SIN3A: variants seen among roughly 807,000 people sequenced by gnomAD.
SIN3A encodes SIN3 transcription regulator family member A, also known as paired amphipathic helix protein Sin3a.
SIN3A carries 14 observed loss-of-function variants against 146.1 expected under a neutral mutation model. The ratio of observed to expected loss-of-function variants is 0.10; its 90% CI spans 0.06 to 0.15. SIN3A has a LOEUF of 0.15. Among genes scored for constraint, SIN3A ranks in the 10% least tolerant of loss-of-function variants. The pLI is 1.00. For synonymous variants in SIN3A, 572 were observed against 572.0 expected (o/e 1.00, Z 0.00); for missense variants, 1,028 against 1,576.0 (o/e 0.65, Z 5.89).
At chr15:75,373,405 C>A (rs1285891089) in intron 20 of SIN3A, among the ~76,000 whole-genome samples, 5 of 152,078 alleles carry the variant, frequency 3.3e-5, no homozygotes, top group African/African-American at 1.2e-4. Context: ...TTGAACAGCG[C>A]AGGGCCACTG....
chr15:75,392,248 C>G lies in SIN3A; in HGVS notation c.2845G>C (p.Glu949Gln). The change falls in exon 15 of 21, where the codon GAA (glutamate) becomes CAA (glutamine). Residue 949 changes from glutamate to glutamine, a missense_variant. Glu to Gln is a conservative substitution (Grantham distance 29). Around this residue, in one of 9 missense-constraint regions of SIN3A, gnomAD observed 488 missense variants for 690.2 expected, o/e 0.71. Transcript: ENST00000394947. ...CAGAGGTCTCGGCACTCACTAGGTT[C>G]TTTGAGACGTAGCTGAATGGCAGGG... is the stretch of plus-strand genomic sequence containing the variant. Reference protein sequence around the residue: ...DSPAIQLRLKEPMDVDVEDYY... With the variant: ...DSPAIQLRLKQPMDVDVEDYY... 1.2e-6 allele frequency: 2 copies of G among 1,612,518 alleles called. No individual in the cohort carries two copies. The highest frequency in any genetic ancestry group is 1.7e-6 in the Non-Finnish European group (2 of 1,178,756).
intron 1 of SIN3A, among the ~76,000 whole-genome samples, chr15:75,437,936 T>C (rs1488313491): frequency 6.6e-6 from 1 of 152,034 alleles, no homozygotes; most frequent in Non-Finnish European, 1.5e-5. Context: ...GGAAGGATCA[T>C]TTGAGGCCAG....
At chr15:75,400,411 A>G (rs2073389107) in intron 11 of SIN3A, among the ~76,000 whole-genome samples, 1 of 152,114 alleles carries the variant, frequency 6.6e-6, no homozygotes, top group African/African-American at 2.4e-5. Flanking sequence ...CCCAATCTTT[A>G]CAAAACTAAA....
chr15:75,373,530 G>A (rs1489588024), intron 20 of SIN3A, among the ~76,000 whole-genome samples: 1 of 152,092 alleles, frequency 6.6e-6, no homozygotes, highest in African/African-American at 2.4e-5. Flanking sequence ...TTTATGATGA[G>A]CCACAACCAC....
intron 3 of SIN3A, chr15:75,415,164 A>G (rs895247913): frequency 6.6e-6 from 1 of 152,270 alleles, no homozygotes; most frequent in African/African-American, 2.4e-5. Flanking sequence ...TGCTACAGGA[A>G]TAACTGGACA....
chr15:75,427,246 G>A (rs1441919411), intron 2 of SIN3A, among the ~76,000 whole-genome samples: 1 of 152,080 alleles, frequency 6.6e-6, no homozygotes, highest in Non-Finnish European at 1.5e-5. Context: ...GGTGGCTTGC[G>A]CCTGTAATCC....
intron 2 of SIN3A, among the ~76,000 whole-genome samples, chr15:75,423,347 C>T (rs1567389481): frequency 6.6e-6 from 1 of 152,114 alleles, no homozygotes; most frequent in African/African-American, 2.4e-5. Flanking sequence ...AAATAAATTA[C>T]AGCCCACCAA....
chr15:75,385,268 T>C (rs908517969), intron 16 of SIN3A, among the ~76,000 whole-genome samples: 4 of 152,216 alleles, frequency 2.6e-5, no homozygotes, highest in African/African-American at 7.2e-5. Flanking sequence ...TGCTGAATTA[T>C]TGCCCAGGGG....
chr15:75,423,649 G>T lies in SIN3A; in HGVS notation c.190-826C>A, dbSNP rs2073877367. On this transcript the variant is annotated intron_variant, in intron 2 of 20. Coordinates refer to ENST00000394947, the MANE Select transcript of SIN3A (RefSeq NM_001145358.2). ...GCCAAGATCGTGCCACTGCAATCCA[G>T]CCTGCACGACAAAGCAAGACTCCAT... 2.0e-5 allele frequency among the ~76,000 whole-genome samples: 3 copies of T among 152,144 alleles called. No individual in the cohort carries two copies. The South Asian group carries it at 6.2e-4, about 32-fold the overall frequency.
rs755746193 is a variant in SIN3A at position 75,371,834 on chromosome 15, C to T, written c.*145G>A. ...TAGCCCACTTGGTGCCAGGCTGCACCAGCCACACACAGGTCAGGTGGCCAT... is the reference window on the plus strand; with the variant it reads ...TAGCCCACTTGGTGCCAGGCTGCACTAGCCACACACAGGTCAGGTGGCCAT... On this transcript the variant is annotated 3_prime_UTR_variant, in exon 21 of 21. Coordinates refer to ENST00000394947, the MANE Select transcript of SIN3A (RefSeq NM_001145358.2). 1.8e-5 allele frequency: 12 copies of T among 678,146 alleles called. No individual in the cohort carries two copies. The highest frequency in any genetic ancestry group is 3.9e-4 in the Middle Eastern group (1 of 2,534). The allele number at this position is 678,146 out of a possible 1,614,324, so 42.0% of individuals were successfully genotyped here. A position where few individuals can be genotyped will look rare whatever the true frequency, so the allele number is the denominator to read the frequency against.
chr15:75,444,676 C>T lies in SIN3A; in HGVS notation c.-34+6747G>A, dbSNP rs2074273541. Among the ~76,000 whole-genome samples, 3 of 152,124 alleles carry T rather than the reference C, an allele frequency of 2.0e-5. No homozygotes were observed. In the South Asian group the frequency reaches 6.2e-4, roughly 32 times the overall value. ...TTGAGCCCAGGAGTTTGAGACCAAT[C>T]TGGGCAATACAGACTTCGGTGACAC... On this transcript the variant is annotated intron_variant, in intron 1 of 20. Transcript: ENST00000394947.
In SIN3A at chr15:75,441,225, G is replaced by A. The variant is rs149898175; in HGVS notation, c.-34+10198C>T. ...CTCAGGAAGCTGAGTCAGTAGAATT[G>A]CTTGAACTTGGGAGGTGGAGGTTGA... On this transcript the variant is annotated intron_variant, in intron 1 of 20. Transcript: ENST00000394947. 3.0e-3 allele frequency among the ~76,000 whole-genome samples: 457 copies of A among 152,128 alleles called. 3 individuals are homozygous for A. The highest frequency in any genetic ancestry group is 0.01 in the African/African-American group (429 of 41,522).
At chr15:75,382,031 C>G (rs1351087771) in intron 17 of SIN3A, among the ~76,000 whole-genome samples, 1 of 152,162 alleles carries the variant, frequency 6.6e-6, no homozygotes, top group Non-Finnish European at 1.5e-5. Context: ...GCCAGAACCA[C>G]AAAATGTCAA....
intron 3 of SIN3A, among the ~76,000 whole-genome samples, chr15:75,417,159 A>G (rs1595911268): frequency 6.6e-6 from 1 of 152,056 alleles, no homozygotes; most frequent in African/African-American, 2.4e-5. Context: ...AAACTGACCT[A>G]TCACAAAGAA....
At chr15:75,398,609 C>T (rs930312245) in intron 12 of SIN3A, among the ~76,000 whole-genome samples, 20 of 150,610 alleles carry the variant, frequency 1.3e-4, no homozygotes, top group Middle Eastern at 3.4e-3. Context: ...ACTCGTGAGG[C>T]AGAGGTTGCA....
intron 3 of SIN3A, 74 bp downstream of exon 3, chr15:75,422,573 C>A (rs777472120): frequency 1.3e-6 from 2 of 1,526,416 alleles, no homozygotes; most frequent in Non-Finnish European, 9.1e-7. Context: ...TGTACCACCA[C>A]AACCAACAAG....
chr15:75,417,367 C>A (rs2073758499), intron 3 of SIN3A, among the ~76,000 whole-genome samples: 1 of 151,520 alleles, frequency 6.6e-6, no homozygotes, highest in Non-Finnish European at 1.5e-5. Context: ...GTGATTTAAG[C>A]CAGTCTTTTT....
chr15:75,392,795 C>A lies in SIN3A; in HGVS notation c.2298G>T (p.Glu766Asp). 6.2e-7 allele frequency: 1 copy of A among 1,610,638 alleles called. No homozygotes were observed. Among genetic ancestry groups the A allele is most frequent in the Non-Finnish European group, 8.5e-7 (1 of 1,178,296 alleles). Residue 766 changes from glutamate to aspartate, a missense_variant, in exon 15 of 21, where the codon GAG (glutamate) becomes GAT (aspartate). Physicochemically the swap from Glu to Asp is conservative, Grantham distance 45 (BLOSUM62 2). This residue lies in a region of SIN3A where 488 missense variants were observed against 690.2 expected (regional missense o/e 0.71). Transcript: ENST00000394947. ...IYDERQEQATEENAGVPVGPH... is the reference protein window; with the variant it reads ...IYDERQEQATDENAGVPVGPH... ...GGCCAACAGGTACACCAGCATTCTC[C>A]TCCGTAGCCTGCTCTTGCCTCTGAT... is the stretch of plus-strand genomic sequence containing the variant.
chr15:75,378,087 CTG>C (rs1567311592), intron 19 of SIN3A, among the ~76,000 whole-genome samples: 1 of 152,168 alleles, frequency 6.6e-6, no homozygotes, highest in African/African-American at 2.4e-5. Context: ...TTTGGAGACA[CTG>C]TAAAATATAT....
Sources: allele counts gnomAD v4.1 joint callset (sites outside exome capture counted in the v4.1 genomes callset), GRCh38; gene constraint gnomAD v4.1.1; regional missense constraint gnomAD v4.1.1; transcripts MANE v1.5; gene names NCBI Gene and HGNC (gene_info 2026-07-23, HGNC 2026-07-21).